The following TAFA4 variants were observed in gnomAD, a reference collection of about 807,000 sequenced individuals.
TAFA4 encodes the protein TAFA chemokine like family member 4.
Under a neutral mutation model 21.1 loss-of-function variants are expected in TAFA4, and 20 were observed. The ratio of observed to expected loss-of-function variants is 0.95; its 90% CI spans 0.67 to 1.38. The LOEUF (loss-of-function observed/expected upper bound fraction) is 1.38. Among genes scored for constraint, TAFA4 ranks in the 40% most tolerant of loss-of-function variants. The probability of loss-of-function intolerance (pLI) is 0.00; values close to 1 mark genes in which losing one functional copy is unlikely to be tolerated. For synonymous variants in TAFA4, 71 were observed against 67.4 expected (o/e 1.05, Z -0.26); for missense variants, 211 against 180.9 (o/e 1.17, Z -0.95).
chr3:68,792,849 G>T, intron 3 of TAFA4, among the ~76,000 whole-genome samples: 1 of 152,078 alleles, frequency 6.6e-6, no homozygotes, highest in Admixed American at 6.6e-5. Context: ...ATGAAACTCA[G>T]ACCTTTCATC....
chr3:68,927,244 C>T (rs1249266610), intron 1 of TAFA4, among the ~76,000 whole-genome samples: 1 of 152,174 alleles, frequency 6.6e-6, no homozygotes, highest in East Asian at 1.9e-4. Flanking sequence ...TTAGTAACTA[C>T]AGTGTACTGC....
chr3:68,830,711 G>T (rs9812717), intron 3 of TAFA4, among the ~76,000 whole-genome samples: 1 of 152,042 alleles, frequency 6.6e-6, no homozygotes, highest in East Asian at 1.9e-4. Flanking sequence ...GGTCCACTTC[G>T]TCCAGAGCTG....
chr3:68,885,107 T>A, intron 2 of TAFA4, 68 bp downstream of exon 2: 1 of 1,492,462 alleles, frequency 6.7e-7, no homozygotes, highest in Non-Finnish European at 9.3e-7. Flanking sequence ...TCCAGGATAC[T>A]CACTTTTGCT....
intron 3 of TAFA4, among the ~76,000 whole-genome samples, chr3:68,864,628 A>C (rs1015600797): frequency 6.6e-6 from 1 of 152,160 alleles, no homozygotes; most frequent in East Asian, 1.9e-4. Flanking sequence ...ATGTCTGTGT[A>C]ACACTTGTAC....
chr3:68,831,788 G>T (rs902602923), intron 3 of TAFA4, among the ~76,000 whole-genome samples: 1 of 152,066 alleles, frequency 6.6e-6, no homozygotes, highest in East Asian at 1.9e-4. Flanking sequence ...TTCCAGCTTG[G>T]TTCCATTCTC....
At chr3:68,873,423 A>C (rs1289590842) in intron 3 of TAFA4, among the ~76,000 whole-genome samples, 2 of 149,638 alleles carry the variant, frequency 1.3e-5, no homozygotes, top group Admixed American at 6.8e-5. Flanking sequence ...GAATGTTTCC[A>C]ATTTCTAGAT....
chr3:68,843,190 T>C (rs1704705884), intron 3 of TAFA4, among the ~76,000 whole-genome samples: 1 of 152,210 alleles, frequency 6.6e-6, no homozygotes, highest in Non-Finnish European at 1.5e-5. Context: ...CCCATTTGTG[T>C]CCTCACTTAT....
intron 3 of TAFA4, among the ~76,000 whole-genome samples, chr3:68,756,718 G>T (rs1303395718): frequency 1.3e-5 from 2 of 152,162 alleles, no homozygotes; most frequent in Non-Finnish European, 1.5e-5. Flanking sequence ...AAGAGAGAAA[G>T]TTTTCAATCT....
intron 3 of TAFA4, among the ~76,000 whole-genome samples, chr3:68,851,369 G>A (rs993424067): frequency 6.6e-6 from 1 of 152,060 alleles, no homozygotes; most frequent in African/African-American, 2.4e-5. Flanking sequence ...GAGAACATTA[G>A]GAAAAATAGC....
At chr3:68,892,333 A>G (rs924869768) in intron 1 of TAFA4, among the ~76,000 whole-genome samples, 1 of 152,222 alleles carries the variant, frequency 6.6e-6, no homozygotes, top group African/African-American at 2.4e-5. Context: ...ATAACTGTCT[A>G]TTAAATATTA....
intron 3 of TAFA4, among the ~76,000 whole-genome samples, chr3:68,850,750 T>A (rs570106103): frequency 2.0e-4 from 30 of 152,234 alleles, no homozygotes; most frequent in African/African-American, 7.2e-4. Context: ...TCTTGTATAT[T>A]TATTTAAGTT....
intron 1 of TAFA4, among the ~76,000 whole-genome samples, chr3:68,920,237 T>A (rs921769861): frequency 6.6e-6 from 1 of 152,108 alleles, no homozygotes; most frequent in Non-Finnish European, 1.5e-5. Context: ...AGCAAAAAAA[T>A]ACAAACTATA....
rs539948315 is a variant in TAFA4 at position 68,844,681 on chromosome 3, C to T, written c.130+36049G>A. On this transcript the variant is annotated intron_variant, in intron 3 of 5. Coordinates refer to ENST00000295569, the MANE Select transcript of TAFA4 (RefSeq NM_182522.5). ...GTGGTATAAATTTCCCTCTGAACATCGCTTTAGCTGTGTCCCAGAGATTCT... is the reference window on the plus strand; with the variant it reads ...GTGGTATAAATTTCCCTCTGAACATTGCTTTAGCTGTGTCCCAGAGATTCT... Among the ~76,000 whole-genome samples, 4 of 152,188 alleles carry T rather than the reference C, an allele frequency of 2.6e-5. No individual in the cohort carries two copies. In the East Asian group the frequency reaches 7.7e-4, roughly 29 times the overall value.
At chr3:68,894,349 A>G (rs2089762630) in intron 1 of TAFA4, among the ~76,000 whole-genome samples, 1 of 152,036 alleles carries the variant, frequency 6.6e-6, no homozygotes, top group Admixed American at 6.6e-5. Context: ...TAGTAGAGAC[A>G]GGGTTTTGCC....
chr3:68,775,063 T>C (rs572589531), intron 3 of TAFA4, among the ~76,000 whole-genome samples: 1 of 152,316 alleles, frequency 6.6e-6, no homozygotes, highest in East Asian at 1.9e-4. Flanking sequence ...GATGTGAGGA[T>C]GTTAACTGAC....
At position 68,731,885 on chromosome 3, in the gene TAFA4, T is replaced by A. The variant is rs1702154705; in HGVS notation, c.*1257A>T. ...CTCTGCAAGAATAAAATCAAATAACTGTTAGGCTATAAACAACATTAAAGT... is the reference window on the plus strand; with the variant it reads ...CTCTGCAAGAATAAAATCAAATAACAGTTAGGCTATAAACAACATTAAAGT... On this transcript the variant is annotated 3_prime_UTR_variant, in exon 6 of 6. Coordinates refer to ENST00000295569, the MANE Select transcript of TAFA4 (RefSeq NM_182522.5). The A allele has an allele frequency of 9.9e-6, 1 of 100,826 alleles. No homozygotes were observed. Among genetic ancestry groups the A allele is most frequent in the Non-Finnish European group, 2.3e-5 (1 of 43,824 alleles). The allele number at this position is 100,826 out of a possible 1,614,324, so 6.2% of individuals were successfully genotyped here.
chr3:68,866,288 A>T (rs1316906838), intron 3 of TAFA4, among the ~76,000 whole-genome samples: 1 of 151,924 alleles, frequency 6.6e-6, no homozygotes, highest in Non-Finnish European at 1.5e-5. Context: ...TCCCATTGGG[A>T]CCCACACTCC....
intron 3 of TAFA4, among the ~76,000 whole-genome samples, chr3:68,834,884 C>G (rs748804318): frequency 9.9e-5 from 15 of 152,178 alleles, no homozygotes; most frequent in Non-Finnish European, 1.9e-4. Flanking sequence ...TTCAAAACCT[C>G]CCAATGAGTC....
intron 2 of TAFA4, 105 bp from the exon 3 acceptor site, chr3:68,880,950 G>T (rs991219535): frequency 3.9e-6 from 3 of 772,860 alleles, no homozygotes; most frequent in South Asian, 1.8e-5. Context: ...GATCCCTGGA[G>T]CTGGAATTCC....
Sources: allele counts gnomAD v4.1 joint callset (sites outside exome capture counted in the v4.1 genomes callset), GRCh38; gene constraint gnomAD v4.1.1; transcripts MANE v1.5; gene names NCBI Gene and HGNC (gene_info 2026-07-23, HGNC 2026-07-21).